Variants in SLIT3 observed in about 807,000 individuals in gnomAD.
The protein encoded by SLIT3 is slit homolog 3 protein.
A neutral mutation model predicts 184.0 loss-of-function variants in SLIT3; 68 were observed. The observed-to-expected ratio is 0.37, with a 90% CI of 0.30 to 0.45. The LOEUF is 0.45. Among genes scored for constraint, SLIT3 ranks in the 20% least tolerant of loss-of-function variants. SLIT3 has a pLI of 1.00. For synonymous variants in SLIT3, 831 were observed against 828.6 expected, an observed-to-expected ratio of 1.00 and a Z score of -0.05; for missense variants, 1,707 against 2,026.0, an observed-to-expected ratio of 0.84 and a Z score of 3.02.
intron 9 of SLIT3, among the ~76,000 whole-genome samples, chr5:168,805,023 A>C (rs924049222): frequency 5.3e-5 from 8 of 152,156 alleles, no homozygotes; most frequent in Non-Finnish European, 1.2e-4. Flanking sequence ...TCTCTCGCTT[A>C]TTTCATGTCC....
Position 168,979,461 on chromosome 5 carries a change from C to G in SLIT3, c.414-96125G>C, listed in dbSNP as rs145660659. Among the ~76,000 whole-genome samples, 10 of 152,344 alleles carry G rather than the reference C, an allele frequency of 6.6e-5. No homozygotes were observed. The East Asian group carries it at 1.9e-3, about 29-fold the overall frequency. ...GCAGAGGATACCAAACCCAAAGGAA[C>G]TCTTCCCCTGTTTACCAGGAGGAAC... On this transcript the variant is annotated intron_variant, in intron 4 of 35. Coordinates refer to ENST00000519560, the MANE Select transcript of SLIT3 (RefSeq NM_003062.4).
At chr5:169,228,183 T>C (rs1764874367) in intron 3 of SLIT3, among the ~76,000 whole-genome samples, 1 of 152,148 alleles carries the variant, frequency 6.6e-6, no homozygotes. Flanking sequence ...TATATTTAAT[T>C]GCATTTTATT....
chr5:168,780,013 C>G (rs976892843), intron 12 of SLIT3, among the ~76,000 whole-genome samples: 3 of 152,264 alleles, frequency 2.0e-5, no homozygotes, highest in African/African-American at 7.2e-5. Context: ...TTGGAGCCCA[C>G]AGGCCTTTTT....
chr5:168,774,985 C>T (rs1581067904), intron 12 of SLIT3, among the ~76,000 whole-genome samples: 1 of 152,066 alleles, frequency 6.6e-6, no homozygotes, highest in East Asian at 1.9e-4. Context: ...TTTCGCCAAC[C>T]TCATCCTAAC....
In SLIT3 at chr5:168,844,613, G is replaced by C. The variant is rs1758390075; in HGVS notation, c.528C>G (p.Ala176=). 6.2e-7 allele frequency: 1 copy of C among 1,614,220 alleles called. No homozygotes were observed. ...NNHISCIEDG[A]FRALRDLEIL... is the part of the protein sequence containing the mutation. ...TCTCCAAATCGCGCAGCGCTCGGAA[G>C]GCTCCATCTTCAATGCAGCTGATGT... Residue 176 remains alanine, a synonymous_variant, in exon 6 of 36, where the codon GCC becomes GCG. Coordinates refer to ENST00000519560, the MANE Select transcript of SLIT3 (RefSeq NM_003062.4).
intron 35 of SLIT3, among the ~76,000 whole-genome samples, chr5:168,668,077 G>T (rs933786634): frequency 5.9e-5 from 9 of 152,192 alleles, no homozygotes; most frequent in Non-Finnish European, 1.0e-4. Flanking sequence ...AAGGCACGGG[G>T]TGGACTGCCT....
chr5:168,925,912 C>T (rs1253632303), intron 4 of SLIT3, among the ~76,000 whole-genome samples: 1 of 152,202 alleles, frequency 6.6e-6, no homozygotes, highest in Admixed American at 6.5e-5. Context: ...AGTCAACGGA[C>T]AAGGGATAGC....
intron 5 of SLIT3, among the ~76,000 whole-genome samples, chr5:168,870,492 G>C (rs937310777): frequency 3.3e-5 from 5 of 152,114 alleles, no homozygotes; most frequent in African/African-American, 1.2e-4. Context: ...CCTTGGAGTT[G>C]AGCTTCCAAA....
chr5:169,123,956 C>T (rs1468434718), intron 4 of SLIT3, among the ~76,000 whole-genome samples: 1 of 152,160 alleles, frequency 6.6e-6, no homozygotes, highest in Non-Finnish European at 1.5e-5. Context: ...GAAAGCTTCG[C>T]CAGAGAGCCC....
At chr5:168,707,880 A>C (rs371587479) in intron 26 of SLIT3, 96 bp downstream of exon 26, 2 of 1,483,600 alleles carry the variant, frequency 1.3e-6, no homozygotes, top group East Asian at 2.3e-5. Context: ...TCCCTTGGAG[A>C]AGGGAGGGTA....
At chr5:168,832,880 T>G (rs1257114607) in intron 6 of SLIT3, among the ~76,000 whole-genome samples, 1 of 152,202 alleles carries the variant, frequency 6.6e-6, no homozygotes, top group Non-Finnish European at 1.5e-5. Flanking sequence ...AGGTGCCAGT[T>G]TTTGGTCTCC....
At chr5:168,777,901 T>C (rs1015353864) in intron 12 of SLIT3, among the ~76,000 whole-genome samples, 1 of 152,224 alleles carries the variant, frequency 6.6e-6, no homozygotes, top group Admixed American at 6.5e-5. Flanking sequence ...AAGGAGCTCT[T>C]AGCTATCTGG....
chr5:169,179,400 T>C (rs1028763430), intron 4 of SLIT3, among the ~76,000 whole-genome samples: 4 of 152,076 alleles, frequency 2.6e-5, no homozygotes, highest in South Asian at 2.1e-4. Flanking sequence ...CAATGTCTAT[T>C]AGAAGTTAAA....
intron 4 of SLIT3, among the ~76,000 whole-genome samples, chr5:169,134,983 A>T (rs1761449909): frequency 6.6e-6 from 1 of 152,254 alleles, no homozygotes; most frequent in Non-Finnish European, 1.5e-5. Flanking sequence ...AGTTTCTGAC[A>T]TATAGTAGCT....
intron 4 of SLIT3, among the ~76,000 whole-genome samples, chr5:168,921,169 TCTC>T (rs1761623304): frequency 6.6e-6 from 1 of 152,180 alleles, no homozygotes; most frequent in South Asian, 2.1e-4. Flanking sequence ...ACAGGACACT[TCTC>T]CACACATGAT....
chr5:168,704,133 G>C (rs897374947), intron 26 of SLIT3, among the ~76,000 whole-genome samples: 1 of 151,634 alleles, frequency 6.6e-6, no homozygotes, highest in Non-Finnish European at 1.5e-5. Flanking sequence ...CCTGACCTCG[G>C]ATCTAATGAA....
At chr5:168,726,779 C>G (rs1023245436) in intron 20 of SLIT3, among the ~76,000 whole-genome samples, 2 of 149,454 alleles carry the variant, frequency 1.3e-5, no homozygotes, top group Admixed American at 6.7e-5. Context: ...TTGAGACCAG[C>G]CTGGCCAACA....
intron 26 of SLIT3, among the ~76,000 whole-genome samples, chr5:168,701,716 G>T (rs1762219370): frequency 6.6e-6 from 1 of 152,222 alleles, no homozygotes; most frequent in South Asian, 2.1e-4. Flanking sequence ...ACAGGACCTG[G>T]TAGCGTGGGG....
chr5:168,708,883 G>C (rs1320572316), intron 25 of SLIT3, among the ~76,000 whole-genome samples: 1 of 152,140 alleles, frequency 6.6e-6, no homozygotes, highest in East Asian at 1.9e-4. Flanking sequence ...GTGAGTGACT[G>C]TTTGTGGATG....
Sources: gnomAD v4.1 joint callset for allele counts (sites outside exome capture counted in the v4.1 genomes callset) on GRCh38, gnomAD v4.1.1 for gene constraint, MANE v1.5 for transcripts, NCBI Gene and HGNC (gene_info 2026-07-23, HGNC 2026-07-21) for gene names.